Variants in CSPP1 observed in about 807,000 individuals in gnomAD.
CSPP1 encodes the protein centrosome and spindle pole-associated protein 1.
In CSPP1, 126 loss-of-function variants were observed where a neutral mutation model predicts 164.4. The ratio of observed to expected loss-of-function variants is 0.77; its 90% CI spans 0.66 to 0.89. CSPP1 has a LOEUF of 0.89. CSPP1 is among the 40% of genes least tolerant of loss of function. The probability of loss-of-function intolerance (pLI) is 0.00; values close to 1 mark genes in which losing one functional copy is unlikely to be tolerated. For missense variants in CSPP1, 1,395 were observed against 1,449.8 expected (o/e 0.96, Z 0.61); for synonymous variants, 472 against 476.7 (o/e 0.99, Z 0.13).
intron 17 of CSPP1, among the ~76,000 whole-genome samples, chr8:67,140,242 A>G (rs1203801532): frequency 1.3e-5 from 2 of 151,688 alleles, no homozygotes; most frequent in African/African-American, 4.8e-5. Context: ...GCACCACCAC[A>G]CCCGGCTAAT....
chr8:67,098,007 A>T (rs6984597), intron 7 of CSPP1, among the ~76,000 whole-genome samples: 2,969 of 151,308 alleles, frequency 0.02, 72 homozygotes, highest in South Asian at 0.046. Flanking sequence ...TTAATTTAAA[A>T]TGGGATTTCT....
chr8:67,192,076 T>TG (rs1836456001), intron 29 of CSPP1, among the ~76,000 whole-genome samples: 1 of 146,544 alleles, frequency 6.8e-6, no homozygotes, highest in African/African-American at 2.5e-5. Context: ...GTTTTTTTTT[T>TG]TGTTTTTTTT....
At chr8:67,161,751 G>GTA (rs1360651774) in intron 21 of CSPP1, 60 bp from the exon 22 acceptor site, 2 of 843,580 alleles carry the variant, frequency 2.4e-6, no homozygotes, top group East Asian at 2.4e-5. Context: ...GTGTGTGTGT[G>GTA]TATATATGTG....
chr8:67,097,567 G>A (rs1330227185), intron 7 of CSPP1, among the ~76,000 whole-genome samples: 1 of 152,054 alleles, frequency 6.6e-6, no homozygotes, highest in Non-Finnish European at 1.5e-5. Context: ...TTGACTCTTG[G>A]TGATAATGTC....
intron 3 of CSPP1, among the ~76,000 whole-genome samples, chr8:67,081,592 T>G (rs996258739): frequency 6.6e-6 from 1 of 152,220 alleles, no homozygotes; most frequent in Admixed American, 6.5e-5. Context: ...AAATTCTTAC[T>G]AACTTATTAT....
chr8:67,176,706 G>A (rs145573828), intron 26 of CSPP1, among the ~76,000 whole-genome samples: 1 of 152,238 alleles, frequency 6.6e-6, no homozygotes, highest in African/African-American at 2.4e-5. Context: ...TTTTAGCACT[G>A]AAGGTATCTA....
In CSPP1 at chr8:67,137,476, A is replaced by G; in HGVS notation, c.1848A>G (p.Arg616=). ...LQQQIREREE[R]RKKEREEKEE... is the part of the protein sequence containing the mutation. ...TCAAGATTCGGGAAAGAGAAGAAAGAAGGAAGAAAGAACGTGAAGAAAAAG... is the reference window on the plus strand; with the variant it reads ...TCAAGATTCGGGAAAGAGAAGAAAGGAGGAAGAAAGAACGTGAAGAAAAAG... Residue 616 remains arginine, a synonymous_variant, in exon 17 of 31, where the codon AGA becomes AGG. Coordinates refer to ENST00000678616, the MANE Select transcript of CSPP1 (RefSeq NM_001382391.1). 2 of 1,532,276 alleles carry G rather than the reference A, an allele frequency of 1.3e-6. No individual in the cohort carries two copies. Among genetic ancestry groups the G allele is most frequent in the Non-Finnish European group, 1.8e-6 (2 of 1,124,290 alleles). 94.9% of individuals were successfully genotyped at this position (1,532,276 alleles called of 1,614,324 possible).
intron 8 of CSPP1, among the ~76,000 whole-genome samples, chr8:67,104,964 A>AT (rs1391455469): frequency 1.4e-4 from 11 of 81,422 alleles, no homozygotes; most frequent in Non-Finnish European, 2.2e-4. Context: ...ATATATATAT[A>AT]TATTTTTTTT....
At chr8:67,146,122 CTTTTTTT>C (rs939978795) in intron 17 of CSPP1, among the ~76,000 whole-genome samples, 2 of 125,138 alleles carry the variant, frequency 1.6e-5, no homozygotes, top group African/African-American at 6.0e-5. Flanking sequence ...ATATACTTTT[CTTTTTTT>C]TTTTTTTTTT....
chr8:67,165,233 G>A lies in CSPP1; in HGVS notation c.2828+725G>A, dbSNP rs1390225062. ...CAGGAGGCGGAGGTTGCAGTGAGCCGAGATCACACCACTGCACTCCAGCCT... is the reference window on the plus strand; with the variant it reads ...CAGGAGGCGGAGGTTGCAGTGAGCCAAGATCACACCACTGCACTCCAGCCT... On this transcript the variant is annotated intron_variant, in intron 24 of 30. Coordinates refer to ENST00000678616, the MANE Select transcript of CSPP1 (RefSeq NM_001382391.1). Among the ~76,000 whole-genome samples the A allele has an allele frequency of 2.6e-5, 4 of 151,616 alleles. 1 individual carries two copies. In the South Asian group the frequency reaches 6.3e-4, roughly 24 times the overall value.
chr8:67,175,044 A>G lies in CSPP1; in HGVS notation c.2969-252A>G, dbSNP rs2290585. The G allele has an allele frequency of 0.083, 34,082 of 413,044 alleles. 3,230 individuals carry two copies. The highest frequency in any genetic ancestry group is 0.32 in the African/African-American group (15,737 of 49,296). The allele number at this position is 413,044 out of a possible 1,614,324, so 25.6% of individuals were successfully genotyped here. A position where few individuals can be genotyped will look rare whatever the true frequency, so the allele number is the denominator to read the frequency against. On this transcript the variant is annotated intron_variant, in intron 25 of 30. Transcript: ENST00000678616. ...AGGACAGGTAGAGATGGACAATGCAACATCCACTGCTTGTTCTGGGGTATT... is the reference window on the plus strand; with the variant it reads ...AGGACAGGTAGAGATGGACAATGCAGCATCCACTGCTTGTTCTGGGGTATT...
At chr8:67,188,725 T>C (rs1485026956) in intron 28 of CSPP1, among the ~76,000 whole-genome samples, 1 of 152,170 alleles carries the variant, frequency 6.6e-6, no homozygotes, top group Non-Finnish European at 1.5e-5. Flanking sequence ...TGGCAGGATG[T>C]CCTCTACACT....
intron 22 of CSPP1, 46 bp from the exon 23 acceptor site, chr8:67,163,686 G>T: frequency 1.4e-6 from 2 of 1,418,566 alleles, no homozygotes; most frequent in Non-Finnish European, 2.0e-6. Flanking sequence ...AAGCTTCTGT[G>T]TAGGGAAGAC....
At chr8:67,158,737 ATTATT>A (rs1827154420) in intron 20 of CSPP1, 141 bp downstream of exon 20, 4 of 1,167,424 alleles carry the variant, frequency 3.4e-6, no homozygotes, top group Middle Eastern at 2.9e-4. Flanking sequence ...TTCTTTGGAT[ATTATT>A]TTATTAAGGT....
intron 27 of CSPP1, among the ~76,000 whole-genome samples, chr8:67,179,560 C>T (rs981925124): frequency 2.0e-5 from 3 of 152,132 alleles, no homozygotes; most frequent in African/African-American, 7.2e-5. Flanking sequence ...TAATGTGATC[C>T]TTTTATTTGA....
At position 67,190,764 on chromosome 8, in the gene CSPP1, G is replaced by A; in HGVS notation, c.3330+5G>A. The A allele has an allele frequency of 6.3e-7, 1 of 1,588,028 alleles. No individual in the cohort carries two copies. On this transcript the variant is annotated splice_donor_5th_base_variant and intron_variant, in intron 29 of 30. Transcript: ENST00000678616. ...AAATGGAAAGGACTAGACATTGTAT[G>A]TATGAGACTTTTCTCCCCCTTTTCA...
intron 29 of CSPP1, among the ~76,000 whole-genome samples, chr8:67,191,016 TCTC>T (rs1284882394): frequency 1.3e-5 from 2 of 152,140 alleles, no homozygotes; most frequent in Non-Finnish European, 2.9e-5. Flanking sequence ...CCTTCCTTCT[TCTC>T]CTGCAGAATA....
chr8:67,103,564 G>A (rs1030954218), intron 8 of CSPP1, among the ~76,000 whole-genome samples: 2 of 151,892 alleles, frequency 1.3e-5, no homozygotes, highest in African/African-American at 4.8e-5. Flanking sequence ...GGAAGCCGAT[G>A]CAGGCGGATC....
Position 67,095,581 on chromosome 8 carries a change from AG to A in CSPP1, c.773del (p.Arg258LysfsTer25). On this transcript the variant is annotated frameshift_variant, in exon 7 of 31. Transcript: ENST00000678616. LOFTEE classifies it high-confidence loss of function. ...RFASKAGIPD[R>X]RFHRFNEDRV... ...TGCAAGCAAGGCTGGCATTCCAGAT[AG>A]AAGATTTCACAGATTTAATGAGGAT... 1 of 1,614,052 alleles carries A rather than the reference AG, an allele frequency of 6.2e-7. No individual in the cohort carries two copies.
Sources: gnomAD v4.1 joint callset for allele counts (sites outside exome capture counted in the v4.1 genomes callset) on GRCh38, gnomAD v4.1.1 for gene constraint, MANE v1.5 for transcripts, NCBI Gene and HGNC (gene_info 2026-07-23, HGNC 2026-07-21) for gene names.